CPPED1: variants seen among roughly 807,000 people sequenced by gnomAD.
CPPED1 encodes the protein serine/threonine-protein phosphatase CPPED1.
A neutral mutation model predicts 28.0 loss-of-function variants in CPPED1; 28 were observed. That is an observed-to-expected ratio of 1.00 (90% CI 0.74 to 1.37). The LOEUF (loss-of-function observed/expected upper bound fraction) is 1.37. CPPED1 is among the 40% of genes most tolerant of loss of function. CPPED1 has a pLI of 0.00. For synonymous variants in CPPED1, 198 were observed against 180.2 expected (o/e 1.10, Z -0.79); for missense variants, 504 against 416.5 (o/e 1.21, Z -1.83).
At chr16:12,752,610 T>C (rs2080336990) in intron 2 of CPPED1, among the ~76,000 whole-genome samples, 1 of 147,544 alleles carries the variant, frequency 6.8e-6, no homozygotes, top group Non-Finnish European at 1.5e-5. Context: ...TTTATATATA[T>C]AGTATATATA....
chr16:12,803,567 T>C, intron 1 of CPPED1, 140 bp downstream of exon 1: 2 of 676,128 alleles, frequency 3.0e-6, no homozygotes, highest in Admixed American at 4.2e-5. Flanking sequence ...CAGGCTTTGA[T>C]GCAGCTATGG....
At position 12,764,836 on chromosome 16, in the gene CPPED1, A is replaced by C. The variant is rs557513349; in HGVS notation, c.289+16349T>G. ...GCCTGTAAGTGTCCTGAGGACAGAC[A>C]CCGTATTTGTTTCTTGCTAAGCAGG... On this transcript the variant is annotated intron_variant, in intron 2 of 3. Coordinates refer to ENST00000381774, the MANE Select transcript of CPPED1 (RefSeq NM_018340.3). 3.0e-4 allele frequency among the ~76,000 whole-genome samples: 45 copies of C among 152,318 alleles called. No homozygotes were observed. The South Asian group carries it at 9.1e-3, about 31-fold the overall frequency.
intron 3 of CPPED1, among the ~76,000 whole-genome samples, chr16:12,676,630 C>A (rs898228888): frequency 6.6e-6 from 1 of 152,122 alleles, no homozygotes; most frequent in Non-Finnish European, 1.5e-5. Flanking sequence ...CAAAGATCAC[C>A]GTGCCATAGG....
intron 2 of CPPED1, among the ~76,000 whole-genome samples, chr16:12,740,302 G>A (rs886832650): frequency 1.7e-4 from 26 of 151,854 alleles, no homozygotes; most frequent in Admixed American, 1.3e-4. Context: ...AAAATTAGCC[G>A]GGCATGACGG....
At chr16:12,764,973 CT>C (rs2080430862) in intron 2 of CPPED1, among the ~76,000 whole-genome samples, 1 of 152,292 alleles carries the variant, frequency 6.6e-6, no homozygotes, top group African/African-American at 2.4e-5. Context: ...TGAGCAGTGA[CT>C]GGTGGAACAG....
intron 3 of CPPED1, among the ~76,000 whole-genome samples, chr16:12,669,954 A>G (rs575363242): frequency 2.8e-4 from 42 of 152,312 alleles, no homozygotes; most frequent in African/African-American, 9.9e-4. Flanking sequence ...AAGCTTAACA[A>G]TCTGAGTAGT....
chr16:12,680,302 AAATCTGT>A (rs1176853714), intron 3 of CPPED1, among the ~76,000 whole-genome samples: 2 of 152,276 alleles, frequency 1.3e-5, no homozygotes, highest in Admixed American at 6.5e-5. Context: ...GCACATTAAT[AAATCTGT>A]ATGCATTTTT....
intron 2 of CPPED1, among the ~76,000 whole-genome samples, chr16:12,777,618 T>A (rs555297085): frequency 1.2e-3 from 184 of 152,348 alleles, no homozygotes; most frequent in African/African-American, 4.2e-3. Flanking sequence ...ATGGACTTTG[T>A]GTGAAACAAA....
At chr16:12,685,437 G>A (rs992570449) in intron 3 of CPPED1, among the ~76,000 whole-genome samples, 2 of 152,232 alleles carry the variant, frequency 1.3e-5, no homozygotes, top group Admixed American at 6.5e-5. Flanking sequence ...GTGACAGAGC[G>A]AGATTTCATC....
intron 2 of CPPED1, among the ~76,000 whole-genome samples, chr16:12,775,811 G>C (rs1488716604): frequency 6.6e-6 from 1 of 152,156 alleles, no homozygotes; most frequent in Admixed American, 6.5e-5. Context: ...TCACTGCTCT[G>C]AGCCAGTTTC....
intron 3 of CPPED1, among the ~76,000 whole-genome samples, chr16:12,696,425 G>T (rs895245979): frequency 4.7e-5 from 7 of 150,510 alleles, no homozygotes; most frequent in African/African-American, 1.7e-4. Flanking sequence ...CAGACATGGT[G>T]CTAAGTGACT....
Position 12,704,651 on chromosome 16 carries a change from T to A in CPPED1, c.688A>T (p.Lys230Ter). The change falls in exon 3 of 4, where the codon AAG becomes TAG. Residue 230 changes from lysine (K) to a stop codon, truncating the protein, a stop_gained. Coordinates refer to ENST00000381774, the MANE Select transcript of CPPED1 (RefSeq NM_018340.3). LOFTEE classifies it high-confidence loss of function. ...YFNLSKSTRK[K>*]LADKFIHAGV... is the part of the protein sequence containing the mutation. ...GCGTGGATGAACTTGTCTGCCAACTTCTTCCGAGTGGACTTGCTGAGGTTG... is the reference window on the plus strand; with the variant it reads ...GCGTGGATGAACTTGTCTGCCAACTACTTCCGAGTGGACTTGCTGAGGTTG... The A allele has an allele frequency of 1.2e-6, 2 of 1,611,926 alleles. No homozygotes were observed. The highest frequency in any genetic ancestry group is 1.7e-6 in the Non-Finnish European group (2 of 1,178,150).
intron 2 of CPPED1, among the ~76,000 whole-genome samples, chr16:12,729,763 C>A (rs2080187974): frequency 6.6e-6 from 1 of 152,152 alleles, no homozygotes; most frequent in Non-Finnish European, 1.5e-5. Flanking sequence ...ACAAATCCCA[C>A]TGTAAAGGCA....
intron 1 of CPPED1, among the ~76,000 whole-genome samples, chr16:12,791,551 C>A (rs1368003710): frequency 6.6e-6 from 1 of 152,186 alleles, no homozygotes; most frequent in Non-Finnish European, 1.5e-5. Context: ...CATTCCACGT[C>A]TACAACATCC....
intron 2 of CPPED1, among the ~76,000 whole-genome samples, chr16:12,763,926 A>AT (rs1473318470): frequency 1.4e-5 from 2 of 147,158 alleles, no homozygotes; most frequent in Non-Finnish European, 3.0e-5. Flanking sequence ...ACAAGCTGGT[A>AT]TTTTGTCCAC....
chr16:12,722,300 T>C (rs2080145483), intron 2 of CPPED1, among the ~76,000 whole-genome samples: 1 of 152,104 alleles, frequency 6.6e-6, no homozygotes, highest in Non-Finnish European at 1.5e-5. Flanking sequence ...AAAATCAATA[T>C]CGCCCTCAGG....
chr16:12,681,782 C>A (rs912860429), intron 3 of CPPED1, among the ~76,000 whole-genome samples: 7 of 152,248 alleles, frequency 4.6e-5, no homozygotes, highest in African/African-American at 1.7e-4. Flanking sequence ...GGCCCACATT[C>A]CCGTTCATAA....
At chr16:12,773,322 T>C (rs1194350491) in intron 2 of CPPED1, among the ~76,000 whole-genome samples, 3 of 152,216 alleles carry the variant, frequency 2.0e-5, no homozygotes, top group African/African-American at 7.2e-5. Context: ...ATGCTGAGCA[T>C]GTGTAAGTCT....
intron 2 of CPPED1, among the ~76,000 whole-genome samples, chr16:12,706,786 G>A (rs1391697075): frequency 6.6e-6 from 1 of 152,112 alleles, no homozygotes; most frequent in Non-Finnish European, 1.5e-5. Context: ...TGCTTCCACA[G>A]GAGGCTGAGC....
Sources: gnomAD v4.1 joint callset for allele counts (sites outside exome capture counted in the v4.1 genomes callset) on GRCh38, gnomAD v4.1.1 for gene constraint, MANE v1.5 for transcripts, NCBI Gene and HGNC (gene_info 2026-07-23, HGNC 2026-07-21) for gene names.